Variants in ATAD3B observed in about 807,000 individuals in gnomAD.
ATAD3B encodes the protein ATPase family AAA domain-containing protein 3B.
A neutral mutation model predicts 70.2 loss-of-function variants in ATAD3B; 59 were observed. The observed-to-expected ratio is 0.84, with a 90% CI of 0.68 to 1.04. The LOEUF (loss-of-function observed/expected upper bound fraction) is 1.04. ATAD3B is among the 50% of genes least tolerant of loss of function. The pLI is 0.00. For synonymous variants in ATAD3B, 423 were observed against 388.6 expected (o/e 1.09, Z -1.04); for missense variants, 961 against 913.4 (o/e 1.05, Z -0.67).
chr1:1,499,333 T>C (rs1387046619), downstream of ATAD3B, among the ~76,000 whole-genome samples: 3 of 145,694 alleles, frequency 2.1e-5, no homozygotes, highest in Non-Finnish European at 3.0e-5. Context: ...GCCTCTTGGG[T>C]TCAAGTGATT....
At chr1:1,477,200 G>A (rs1639636389) in intron 1 of ATAD3B, 74 bp from the exon 2 acceptor site, 2 of 1,568,642 alleles carry the variant, frequency 1.3e-6, no homozygotes, top group Non-Finnish European at 1.7e-6. Flanking sequence ...AGTAGAGGTT[G>A]GGTTTCACCA....
chr1:1,505,407 G>T, the ATAD3B span, among the ~76,000 whole-genome samples: 7 of 152,196 alleles, frequency 4.6e-5, no homozygotes, highest in African/African-American at 1.4e-4. Flanking sequence ...GAGTGTGACC[G>T]CTGAAGCACA....
intron 11 of ATAD3B, among the ~76,000 whole-genome samples, chr1:1,487,316 G>A (rs569127530): frequency 2.3e-4 from 35 of 151,812 alleles, no homozygotes; most frequent in East Asian, 7.8e-4. Context: ...GTGAAACCCC[G>A]TCTCTACTAA....
the ATAD3B span, among the ~76,000 whole-genome samples, chr1:1,505,260 AGG>A: frequency 2.6e-5 from 4 of 152,172 alleles, 1 homozygote; most frequent in African/African-American, 9.6e-5. Context: ...AGGCAGAGAG[AGG>A]GAGGGAGGGA....
downstream of ATAD3B, among the ~76,000 whole-genome samples, chr1:1,498,135 C>G (rs1640847413): frequency 1.3e-5 from 2 of 151,710 alleles, no homozygotes; most frequent in Admixed American, 6.6e-5. Flanking sequence ...AAACCCCCAT[C>G]TCTATTAAAA....
chr1:1,502,971 T>TCC, the ATAD3B span, among the ~76,000 whole-genome samples: 20 of 149,602 alleles, frequency 1.3e-4, no homozygotes, highest in South Asian at 1.5e-3. Flanking sequence ...ATGCCTGTAA[T>TCC]CCCAGCACTT....
Position 1,490,440 on chromosome 1 carries a change from C to T in ATAD3B, c.1505+16C>T, listed in dbSNP as rs752294224. 1.6e-5 allele frequency: 26 copies of T among 1,612,814 alleles called. No homozygotes were observed. The Admixed American group carries it at 3.8e-4, about 24-fold the overall frequency. On this transcript the variant is annotated intron_variant, in intron 14 of 15. Transcript: ENST00000673477. The stretch of plus-strand genomic sequence containing the variant: ...AAGGAAAACGGTGAGTGTCCCGCCT[C>T]ACCCGGCCCCCAATCCAGGCACCAT...
At position 1,490,406 on chromosome 1, in the gene ATAD3B, C is replaced by G; in HGVS notation, c.1487C>G (p.Pro496Arg). The change falls in exon 14 of 16, where the codon CCG (proline) becomes CGG (arginine). Residue 496 changes from proline to arginine, a missense_variant. By Grantham distance (103) the Pro-to-Arg change is moderately radical (BLOSUM62 -2). Coordinates refer to ENST00000673477, the MANE Select transcript of ATAD3B (RefSeq NM_031921.6). ...RLHFDNCVLK[P>R]ATEGKRRLKL... ...CATTTTGACAACTGTGTTCTTAAGCCGGCCACAGAAGGAAAACGGTGAGTG... is the reference window on the plus strand; with the variant it reads ...CATTTTGACAACTGTGTTCTTAAGCGGGCCACAGAAGGAAAACGGTGAGTG... 6.2e-7 allele frequency: 1 copy of G among 1,613,434 alleles called. No homozygotes were observed. Among genetic ancestry groups the G allele is most frequent in the Non-Finnish European group, 8.5e-7 (1 of 1,179,696 alleles).
the ATAD3B span, chr1:1,503,365 C>T: frequency 1.8e-6 from 1 of 561,398 alleles, no homozygotes; most frequent in Admixed American, 2.9e-5. Context: ...CAAGACCATC[C>T]CTGGAGGGCA....
chr1:1,494,618 G>A (rs1338727620), intron 15 of ATAD3B, among the ~76,000 whole-genome samples: 1 of 151,924 alleles, frequency 6.6e-6, no homozygotes, highest in African/African-American at 2.4e-5. Flanking sequence ...GGCACCACGT[G>A]GTCATCCCCA....
At chr1:1,480,224 A>G (rs71628972) in intron 4 of ATAD3B, among the ~76,000 whole-genome samples, 3,142 of 102,840 alleles carry the variant, frequency 0.031, 187 homozygotes, top group Admixed American at 0.042. Flanking sequence ...ACCCATGGGC[A>G]CACACACATT....
Position 1,495,508 on chromosome 1 carries a change from C to G in ATAD3B, c.1638C>G (p.Asp546Glu). Residue 546 changes from aspartate to glutamate, a missense_variant, in exon 16 of 16, where the codon GAC becomes GAG. Physicochemically the swap from Asp to Glu is conservative, Grantham distance 45 (BLOSUM62 2). This residue lies in a region of ATAD3B where 417 missense variants were observed against 335.0 expected (regional missense o/e 1.24). Coordinates refer to ENST00000673477, the MANE Select transcript of ATAD3B (RefSeq NM_031921.6). ...AGGCCACGGCATATGCCTCCAAGGA[C>G]GGGGTCCTCACTGAGGCCATGATGG... ...SWQATAYASK[D>E]GVLTEAMMDA... 3 of 1,609,720 alleles carry G rather than the reference C, an allele frequency of 1.9e-6. No individual in the cohort carries two copies. Among genetic ancestry groups the G allele is most frequent in the Non-Finnish European group, 1.7e-6 (2 of 1,176,968 alleles).
At position 1,485,155 on chromosome 1, in the gene ATAD3B, T is replaced by C. The variant is rs912544960; in HGVS notation, c.890T>C (p.Leu297Pro). The C allele has an allele frequency of 1.9e-6, 3 of 1,610,328 alleles. No individual in the cohort carries two copies. Among genetic ancestry groups the C allele is most frequent in the Admixed American group, 1.7e-5 (1 of 59,896 alleles). The change falls in exon 8 of 16, where the codon CTG (leucine) becomes CCG (proline). Residue 297 changes from leucine to proline, a missense_variant. Transcript: ENST00000673477. ...ETSRITVLEA[L>P]RHPIQVSRRL... ...TCCCGCATCACGGTGCTGGAGGCGC[T>C]GCGGCACCCCATCCAGGTAGCGGCG...
In ATAD3B at chr1:1,495,962, C is replaced by A. The variant is rs1158537050; in HGVS notation, c.*145C>A. 1 of 1,390,622 alleles carries A rather than the reference C, an allele frequency of 7.2e-7. No homozygotes were observed. The highest frequency in any genetic ancestry group is 9.3e-7 in the Non-Finnish European group (1 of 1,074,534). The allele number at this position is 1,390,622 out of a possible 1,614,324, so 86.1% of individuals were successfully genotyped here. ...ACTGTGAGGGTGGGTGCTGGCTGAG[C>A]CCCTGGGGCAGAAGGAGTGGGGCAG... On this transcript the variant is annotated 3_prime_UTR_variant, in exon 16 of 16. Coordinates refer to ENST00000673477, the MANE Select transcript of ATAD3B (RefSeq NM_031921.6).
Position 1,496,057 on chromosome 1 carries a change from T to TG in ATAD3B, c.*244dup. On this transcript the variant is annotated 3_prime_UTR_variant, in exon 16 of 16. Coordinates refer to ENST00000673477, the MANE Select transcript of ATAD3B (RefSeq NM_031921.6). ...GGGGCCTGCCAGGACTAGACAGAAG[T>TG]GGGGCGGCCTGAACCCTGCTTCCAG... is the stretch of plus-strand genomic sequence containing the variant. 7.8e-7 allele frequency: 1 copy of TG among 1,278,846 alleles called. No individual in the cohort carries two copies. Among genetic ancestry groups the TG allele is most frequent in the Non-Finnish European group, 9.9e-7 (1 of 1,010,752 alleles). The allele number at this position is 1,278,846 out of a possible 1,614,324, so 79.2% of individuals were successfully genotyped here. A position where few individuals can be genotyped will look rare whatever the true frequency, so the allele number is the denominator to read the frequency against.
Position 1,496,047 on chromosome 1 carries a change from T to A in ATAD3B, c.*230T>A. The A allele has an allele frequency of 7.7e-7, 1 of 1,303,926 alleles. No homozygotes were observed. Among genetic ancestry groups the A allele is most frequent in the Non-Finnish European group, 9.8e-7 (1 of 1,025,286 alleles). 80.8% of individuals were successfully genotyped at this position (1,303,926 alleles called of 1,614,324 possible). A position where few individuals can be genotyped will look rare whatever the true frequency, so the allele number is the denominator to read the frequency against. The stretch of plus-strand genomic sequence containing the variant: ...CAGGTGAGGGGGGGCCTGCCAGGAC[T>A]AGACAGAAGTGGGGCGGCCTGAACC... On this transcript the variant is annotated 3_prime_UTR_variant, in exon 16 of 16. Transcript: ENST00000673477.
the ATAD3B span, among the ~76,000 whole-genome samples, chr1:1,504,742 T>C: frequency 6.6e-5 from 10 of 152,018 alleles, no homozygotes; most frequent in Non-Finnish European, 7.4e-5. Context: ...CTCTGAAGAC[T>C]ACAGGCCCAA....
the ATAD3B span, among the ~76,000 whole-genome samples, chr1:1,508,523 G>A: frequency 6.6e-6 from 1 of 151,400 alleles, no homozygotes; most frequent in Non-Finnish European, 1.5e-5. Context: ...CCTGAGCACG[G>A]CGCCCAGTGG....
chr1:1,480,495 G>A lies in ATAD3B; in HGVS notation c.445-372G>A, dbSNP rs1357961978. 7.5e-5 allele frequency among the ~76,000 whole-genome samples: 11 copies of A among 147,378 alleles called. 1 individual carries two copies. In the Admixed American group the frequency reaches 7.6e-4, roughly 10 times the overall value. Reference sequence around the variant, plus strand: ...CACCTTCAGTCCTGAGCTCGCAGGCGGGGTTCACATGTTGCCTGTTGTGGG... The same window carrying A: ...CACCTTCAGTCCTGAGCTCGCAGGCAGGGTTCACATGTTGCCTGTTGTGGG... On this transcript the variant is annotated intron_variant, in intron 4 of 15. Transcript: ENST00000673477.
Sources: allele counts gnomAD v4.1 joint callset (sites outside exome capture counted in the v4.1 genomes callset), GRCh38; gene constraint gnomAD v4.1.1; regional missense constraint gnomAD v4.1.1; transcripts MANE v1.5; gene names NCBI Gene and HGNC (gene_info 2026-07-23, HGNC 2026-07-21).